Variants in SMU1 observed in about 807,000 individuals in gnomAD.
SMU1 encodes WD40 repeat-containing protein SMU1.
SMU1 carries 2 observed loss-of-function variants against 62.0 expected under a neutral mutation model. The observed-to-expected ratio is 0.03, with a 90% CI of 0.01 to 0.10. SMU1 has a LOEUF of 0.10. Ranked by LOEUF, SMU1 falls within the 10% of genes least tolerant of loss-of-function variation. The pLI is 1.00. For missense variants in SMU1, 227 were observed against 622.1 expected (o/e 0.36, Z 6.76); for synonymous variants, 188 against 212.4 (o/e 0.89, Z 1.00).
chr9:33,072,316 G>A (rs944457607), intron 2 of SMU1, among the ~76,000 whole-genome samples: 11 of 152,064 alleles, frequency 7.2e-5, no homozygotes, highest in African/African-American at 2.4e-4. Context: ...TGGCCTGGGC[G>A]ACAGAGCGAG....
In SMU1 at chr9:33,044,413, C is replaced by G. The variant is rs1839160427; in HGVS notation, c.*2880G>C. 1 of 152,314 alleles carries G rather than the reference C, an allele frequency of 6.6e-6. No homozygotes were observed. Among genetic ancestry groups the G allele is most frequent in the African/African-American group, 2.4e-5 (1 of 41,472 alleles). The allele number at this position is 152,314 out of a possible 1,614,324, so 9.4% of individuals were successfully genotyped here. A position where few individuals can be genotyped will look rare whatever the true frequency, so the allele number is the denominator to read the frequency against. The stretch of plus-strand genomic sequence containing the variant: ...GTAAGGGGCTCTACCGGCCCTGGAC[C>G]CAAGATGGGACTCCTACCTCCGACC... On this transcript the variant is annotated 3_prime_UTR_variant, in exon 12 of 12. Coordinates refer to ENST00000397149, the MANE Select transcript of SMU1 (RefSeq NM_018225.3).
intron 10 of SMU1, among the ~76,000 whole-genome samples, chr9:33,052,094 C>T (rs1460963879): frequency 1.3e-5 from 2 of 149,566 alleles, no homozygotes; most frequent in African/African-American, 4.9e-5. Flanking sequence ...TGAAACTTTA[C>T]AGAATGATTA....
chr9:33,048,625 C>G (rs1405059027), intron 10 of SMU1, among the ~76,000 whole-genome samples: 1 of 152,196 alleles, frequency 6.6e-6, no homozygotes, highest in Non-Finnish European at 1.5e-5. Context: ...TTTCCTCTAA[C>G]AGAATGAGAA....
intron 4 of SMU1, 114 bp downstream of exon 4, chr9:33,068,710 G>C: frequency 8.2e-7 from 1 of 1,218,314 alleles, no homozygotes; most frequent in Admixed American, 2.4e-5. Flanking sequence ...TCACAATGTT[G>C]CTTAGGCTGG....
At chr9:33,067,274 GAAGA>G (rs1335009671) in intron 4 of SMU1, among the ~76,000 whole-genome samples, 1 of 85,214 alleles carries the variant, frequency 1.2e-5, no homozygotes, top group African/African-American at 4.9e-5. Context: ...ATTTTTCGCT[GAAGA>G]AAGTTAGTTG....
At chr9:33,071,916 A>G (rs1839491396) in intron 2 of SMU1, 24 bp from the exon 3 acceptor site, 3 of 1,498,282 alleles carry the variant, frequency 2.0e-6, no homozygotes, top group Non-Finnish European at 2.7e-6. Flanking sequence ...AAAAAACAAA[A>G]AAAACCCCAG....
chr9:33,064,976 C>T (rs984185312), intron 4 of SMU1, among the ~76,000 whole-genome samples: 2 of 152,158 alleles, frequency 1.3e-5, no homozygotes, highest in African/African-American at 4.8e-5. Context: ...CTCCTGACCT[C>T]GGTTGATCCA....
rs58105257 is a variant in SMU1 at position 33,067,297 on chromosome 9, C to CAA, written c.501+1525_501+1526dup. Among the ~76,000 whole-genome samples the CAA allele has an allele frequency of 4.4e-3, 230 of 52,726 alleles. 9 individuals carry two copies. Among genetic ancestry groups the CAA allele is most frequent in the Admixed American group, 0.014 (63 of 4,598 alleles). The allele number at this position is 52,726 out of a possible 152,430, so 34.6% of individuals were successfully genotyped here. A position where few individuals can be genotyped will look rare whatever the true frequency, so the allele number is the denominator to read the frequency against. On this transcript the variant is annotated intron_variant, in intron 4 of 11. Coordinates refer to ENST00000397149, the MANE Select transcript of SMU1 (RefSeq NM_018225.3). ...CTGAAGAAAGTTAGTTGCTAATGACCAAAAAAAAAAAAAAAAAAAAAAAAA... is the reference window on the plus strand; with the variant it reads ...CTGAAGAAAGTTAGTTGCTAATGACCAAAAAAAAAAAAAAAAAAAAAAAAAAA...
At position 33,056,916 on chromosome 9, in the gene SMU1, G is replaced by T; in HGVS notation, c.916C>A (p.His306Asn). The change falls in exon 8 of 12, where the codon CAC (histidine) becomes AAC (asparagine). Residue 306 changes from histidine to asparagine, a missense_variant. This residue lies in a region of SMU1 where 98 missense variants were observed against 195.9 expected (regional missense o/e 0.50). Transcript: ENST00000397149. The part of the protein sequence containing the change: ...GQCLRRFERA[H>N]SKGVTCLSFS... ...CTTAGACAGGTGACACCCTTACTGT[G>T]TGCCCTCTCAAATCTCCTTAAACAT... 1 of 1,612,960 alleles carries T rather than the reference G, an allele frequency of 6.2e-7. No individual in the cohort carries two copies. The highest frequency in any genetic ancestry group is 2.2e-5 in the East Asian group (1 of 44,828).
At chr9:33,063,793 C>T (rs1193685607) in intron 4 of SMU1, among the ~76,000 whole-genome samples, 2 of 151,908 alleles carry the variant, frequency 1.3e-5, no homozygotes, top group East Asian at 1.9e-4. Flanking sequence ...CCCCTGACAC[C>T]CCCACCACCA....
chr9:33,047,687 G>A (rs1587705300), intron 11 of SMU1, among the ~76,000 whole-genome samples: 1 of 151,944 alleles, frequency 6.6e-6, no homozygotes, highest in South Asian at 2.1e-4. Context: ...GTGAAACCCC[G>A]TCTCCACTAA....
chr9:33,065,228 A>T (rs1166512583), intron 4 of SMU1, among the ~76,000 whole-genome samples: 1 of 152,182 alleles, frequency 6.6e-6, no homozygotes, highest in Non-Finnish European at 1.5e-5. Flanking sequence ...AAAACATCTA[A>T]AAACGGATCA....
At chr9:33,060,700 T>G in intron 5 of SMU1, 116 bp from the exon 6 acceptor site, 1 of 1,344,382 alleles carries the variant, frequency 7.4e-7, no homozygotes, top group Non-Finnish European at 1.0e-6. Flanking sequence ...TGGCCCATAT[T>G]ATAGAGTATT....
At position 33,056,095 on chromosome 9, in the gene SMU1, T is replaced by G. The variant is rs1417893582; in HGVS notation, c.1122+18A>C. Reference sequence around the variant, plus strand: ...ATGGGGTAGACATCCCAAAATAAACTGATAGCAAATACTTAACCTTTACAG... The same window carrying G: ...ATGGGGTAGACATCCCAAAATAAACGGATAGCAAATACTTAACCTTTACAG... On this transcript the variant is annotated intron_variant, in intron 9 of 11. Transcript: ENST00000397149. 3 of 1,592,624 alleles carry G rather than the reference T, an allele frequency of 1.9e-6. No homozygotes were observed. In the South Asian group the frequency reaches 3.4e-5, roughly 18 times the overall value.
chr9:33,047,693 A>T (rs1839201689), intron 11 of SMU1, among the ~76,000 whole-genome samples: 1 of 152,100 alleles, frequency 6.6e-6, no homozygotes, highest in Non-Finnish European at 1.5e-5. Context: ...CCCCGTCTCC[A>T]CTAAAGATAC....
At chr9:33,054,579 A>G (rs542627034) in intron 9 of SMU1, among the ~76,000 whole-genome samples, 79 of 152,316 alleles carry the variant, frequency 5.2e-4, no homozygotes, top group African/African-American at 1.8e-3. Context: ...GGGTTAAATC[A>G]GGTAGCACAG....
chr9:33,071,154 A>T (rs1232574579), intron 3 of SMU1, among the ~76,000 whole-genome samples: 9 of 151,896 alleles, frequency 5.9e-5, no homozygotes, highest in South Asian at 2.1e-4. Flanking sequence ...CCCATAAAAA[A>T]TTTTTTTTAA....
chr9:33,062,625 A>G (rs545444950), intron 4 of SMU1, among the ~76,000 whole-genome samples: 2 of 152,248 alleles, frequency 1.3e-5, no homozygotes, highest in East Asian at 3.9e-4. Flanking sequence ...AGGTCATATT[A>G]GTCACAGCTA....
intron 2 of SMU1, among the ~76,000 whole-genome samples, chr9:33,072,262 G>A (rs909035668): frequency 2.0e-5 from 3 of 150,780 alleles, no homozygotes; most frequent in Non-Finnish European, 3.0e-5. Context: ...GCTTGAACCC[G>A]AGAGGCGGAG....
Sources: allele counts gnomAD v4.1 joint callset (sites outside exome capture counted in the v4.1 genomes callset), GRCh38; gene constraint gnomAD v4.1.1; regional missense constraint gnomAD v4.1.1; transcripts MANE v1.5; gene names NCBI Gene and HGNC (gene_info 2026-07-23, HGNC 2026-07-21).